The following CAPZB variants were observed in gnomAD, a reference collection of about 807,000 sequenced individuals.
The protein encoded by CAPZB is F-actin-capping protein subunit beta.
CAPZB carries 2 observed loss-of-function variants against 38.1 expected under a neutral mutation model. The ratio of observed to expected loss-of-function variants is 0.05; its 90% CI spans 0.02 to 0.17. The LOEUF (loss-of-function observed/expected upper bound fraction) is 0.17. Among genes scored for constraint, CAPZB ranks in the 10% least tolerant of loss-of-function variants. The probability of loss-of-function intolerance (pLI) is 1.00; values close to 1 mark genes in which losing one functional copy is unlikely to be tolerated. For synonymous variants in CAPZB, 107 were observed against 127.4 expected (o/e 0.84, Z 1.08); for missense variants, 161 against 334.2 (o/e 0.48, Z 4.04).
At chr1:19,364,764 T>C (rs1397983286) in intron 4 of CAPZB, among the ~76,000 whole-genome samples, 1 of 152,174 alleles carries the variant, frequency 6.6e-6, no homozygotes, top group Admixed American at 6.5e-5. Context: ...CAAGACCAAA[T>C]TAGCTTTCAT....
intron 1 of CAPZB, among the ~76,000 whole-genome samples, chr1:19,449,780 T>A: frequency 8.7e-6 from 1 of 114,512 alleles, no homozygotes; most frequent in African/African-American, 3.4e-5. Flanking sequence ...CAAGAGTCTG[T>A]CTCAAAAAAA....
At chr1:19,446,788 C>T (rs2094497426) in intron 1 of CAPZB, among the ~76,000 whole-genome samples, 1 of 152,088 alleles carries the variant, frequency 6.6e-6, no homozygotes, top group Non-Finnish European at 1.5e-5. Context: ...ATGCCCAAAT[C>T]CTGGAAATGA....
At chr1:19,371,592 T>C (rs2094119863) in intron 4 of CAPZB, among the ~76,000 whole-genome samples, 1 of 152,160 alleles carries the variant, frequency 6.6e-6, no homozygotes, top group Non-Finnish European at 1.5e-5. Flanking sequence ...GTCCTCTCCA[T>C]TCCGTGGCTG....
chr1:19,387,686 T>C (rs1032076956), intron 2 of CAPZB, among the ~76,000 whole-genome samples: 1 of 152,214 alleles, frequency 6.6e-6, no homozygotes, highest in African/African-American at 2.4e-5. Context: ...ACCTCCTGAC[T>C]CCGCTGCGTA....
At chr1:19,409,025 T>C (rs1359919715) in intron 2 of CAPZB, among the ~76,000 whole-genome samples, 1 of 152,154 alleles carries the variant, frequency 6.6e-6, no homozygotes, top group Admixed American at 6.5e-5. Flanking sequence ...TTAGGGCCAT[T>C]GTCAAAAAAG....
intron 1 of CAPZB, among the ~76,000 whole-genome samples, chr1:19,445,641 C>T (rs1296866906): frequency 6.6e-6 from 1 of 152,102 alleles, no homozygotes; most frequent in African/African-American, 2.4e-5. Flanking sequence ...AAATAATCCG[C>T]ATGATTCCAT....
intron 2 of CAPZB, among the ~76,000 whole-genome samples, chr1:19,413,024 CTGGTGCATGGA>C (rs1286396734): frequency 1.3e-5 from 2 of 152,214 alleles, no homozygotes; most frequent in South Asian, 2.1e-4. Context: ...AGAATAGTGT[CTGGTGCATGGA>C]TGGTGCATTT....
chr1:19,378,702 C>T (rs530052352), intron 3 of CAPZB, 49 bp from the exon 4 acceptor site: 9 of 1,036,388 alleles, frequency 8.7e-6, no homozygotes, highest in East Asian at 4.9e-5. Context: ...TCCATGAAGA[C>T]ACGGCCAGCG....
intron 6 of CAPZB, among the ~76,000 whole-genome samples, chr1:19,349,058 T>C (rs1351624051): frequency 6.6e-6 from 1 of 152,062 alleles, no homozygotes; most frequent in Non-Finnish European, 1.5e-5. Context: ...TCAGGTCTAA[T>C]AAACACACCA....
intron 1 of CAPZB, among the ~76,000 whole-genome samples, chr1:19,474,524 C>A (rs1041765275): frequency 1.3e-5 from 2 of 152,138 alleles, no homozygotes; most frequent in Non-Finnish European, 2.9e-5. Context: ...CTTTATCTTG[C>A]CCCCTTCTTA....
intron 2 of CAPZB, among the ~76,000 whole-genome samples, chr1:19,396,678 T>C (rs2094271438): frequency 6.6e-6 from 1 of 151,658 alleles, no homozygotes; most frequent in Non-Finnish European, 1.5e-5. Flanking sequence ...CAGTGGCTCA[T>C]GCCTGTAATC....
At position 19,356,456 on chromosome 1, in the gene CAPZB, A is replaced by C. The variant is rs2094021453; in HGVS notation, c.588+179T>G. Among the ~76,000 whole-genome samples the C allele has an allele frequency of 6.6e-6, 1 of 152,258 alleles. No individual in the cohort carries two copies. The highest frequency in any genetic ancestry group is 2.4e-5 in the African/African-American group (1 of 41,464). On this transcript the variant is annotated intron_variant, in intron 6 of 8. Transcript: ENST00000264202. This position sits in a 1 kb window ranked among gnomAD's most constrained non-coding sequence, Gnocchi z 4.3. ...CAGCAGAGTGCCAGCAGCTGTGGGCAACCTTGCACAGCCCAGAGAGCTTTT... is the reference window on the plus strand; with the variant it reads ...CAGCAGAGTGCCAGCAGCTGTGGGCCACCTTGCACAGCCCAGAGAGCTTTT...
Position 19,485,526 on chromosome 1 carries a change from C to G in CAPZB, c.-88G>C. 8.9e-7 allele frequency: 1 copy of G among 1,118,766 alleles called. No homozygotes were observed. The highest frequency in any genetic ancestry group is 1.1e-6 in the Non-Finnish European group (1 of 886,354). The allele number at this position is 1,118,766 out of a possible 1,614,324, so 69.3% of individuals were successfully genotyped here. Reference sequence around the variant, plus strand: ...CCGGCGCTTCCACTTCCCCGGGTGCCCAGGAGTGAACATCCGGGTCAGCAC... The same window carrying G: ...CCGGCGCTTCCACTTCCCCGGGTGCGCAGGAGTGAACATCCGGGTCAGCAC... On this transcript the variant is annotated 5_prime_UTR_variant, in exon 1 of 9. Coordinates refer to ENST00000264202, the MANE Select transcript of CAPZB (RefSeq NM_004930.5).
At chr1:19,455,492 T>C (rs1362522674) in intron 1 of CAPZB, among the ~76,000 whole-genome samples, 2 of 152,242 alleles carry the variant, frequency 1.3e-5, no homozygotes, top group Non-Finnish European at 2.9e-5. Context: ...GGGACTATTA[T>C]TTCTCAACAC....
intron 4 of CAPZB, among the ~76,000 whole-genome samples, chr1:19,361,591 C>T (rs763545663): frequency 2.0e-5 from 3 of 152,208 alleles, no homozygotes; most frequent in Non-Finnish European, 4.4e-5. Flanking sequence ...TTGCTCTGCG[C>T]GTGAAGCATT....
In CAPZB at chr1:19,356,361, T is replaced by C. The variant is rs2094020808; in HGVS notation, c.588+274A>G. On this transcript the variant is annotated intron_variant, in intron 6 of 8. Transcript: ENST00000264202. The surrounding 1 kb of genome is among the most constrained non-coding windows in gnomAD (Gnocchi z 4.3). ...TCACAGCACAACATGAGCTGAAGCA[T>C]GGGGATGTGCGGGGCCCTGAGGGGT... Among the ~76,000 whole-genome samples the C allele has an allele frequency of 6.6e-6, 1 of 152,064 alleles. No individual in the cohort carries two copies. The highest frequency in any genetic ancestry group is 2.4e-5 in the African/African-American group (1 of 41,406).
rs1488613959 is a variant in CAPZB at position 19,419,708 on chromosome 1, G to A, written c.46C>T (p.Leu16=). 1 of 1,595,894 alleles carries A rather than the reference G, an allele frequency of 6.3e-7. No individual in the cohort carries two copies. Among genetic ancestry groups the A allele is most frequent in the Non-Finnish European group, 8.5e-7 (1 of 1,170,156 alleles). The change falls in exon 2 of 9, where the codon CTG becomes TTG. Residue 16 remains leucine (L), a synonymous_variant. Coordinates refer to ENST00000264202, the MANE Select transcript of CAPZB (RefSeq NM_004930.5). ...LDCALDLMRR[L]PPQQIEKNLS... is the part of the protein sequence containing the mutation. ...TTTTTCTCGATTTGCTGGGGAGGCAGGCGCCTCATTAGGTCCAAGGCACAG... is the reference window on the plus strand; with the variant it reads ...TTTTTCTCGATTTGCTGGGGAGGCAAGCGCCTCATTAGGTCCAAGGCACAG...
intron 3 of CAPZB, among the ~76,000 whole-genome samples, chr1:19,380,858 A>T (rs906100613): frequency 5.5e-5 from 8 of 144,852 alleles, no homozygotes; most frequent in African/African-American, 1.3e-4. Flanking sequence ...CACGCTCATT[A>T]AAAAAAAAAA....
rs114164261 is a variant in CAPZB, at chr1:19,435,933, G to A, written c.4-16183C>T. On this transcript the variant is annotated intron_variant, in intron 1 of 8. Transcript: ENST00000264202. Reference sequence around the variant, plus strand: ...AGTCACAAGTGAGGAAGGCAGCACCGCTCTCTAGTTAAGGATACAGGTTGG... The same window carrying A: ...AGTCACAAGTGAGGAAGGCAGCACCACTCTCTAGTTAAGGATACAGGTTGG... Among the ~76,000 whole-genome samples, 717 of 152,316 alleles carry A rather than the reference G, an allele frequency of 4.7e-3. 8 individuals are homozygous for A. The highest frequency in any genetic ancestry group is 0.016 in the African/African-American group (674 of 41,558).
Sources: allele counts gnomAD v4.1 joint callset (sites outside exome capture counted in the v4.1 genomes callset), GRCh38; gene constraint gnomAD v4.1.1; non-coding constraint Gnocchi (gnomAD v3.1); transcripts MANE v1.5; gene names NCBI Gene and HGNC (gene_info 2026-07-23, HGNC 2026-07-21).